The following PDZD8 variants were observed in gnomAD, a reference collection of about 807,000 sequenced individuals.
PDZD8 encodes PDZ domain containing 8, also known as PDZ domain-containing protein 8.
In PDZD8, 14 loss-of-function variants were observed where a neutral mutation model predicts 85.8. The observed-to-expected ratio is 0.16, with a 90% confidence interval of 0.11 to 0.26. The LOEUF is 0.26. Among genes scored for constraint, PDZD8 ranks in the 10% least tolerant of loss-of-function variants. PDZD8 has a pLI of 1.00. For synonymous variants in PDZD8, 592 were observed against 568.6 expected, an observed-to-expected ratio of 1.04 and a Z score of -0.59; for missense variants, 1,197 against 1,424.3, an observed-to-expected ratio of 0.84 and a Z score of 2.57.
chr10:117,358,758 C>A (rs922345521), intron 1 of PDZD8, among the ~76,000 whole-genome samples: 1 of 152,118 alleles, frequency 6.6e-6, no homozygotes, highest in African/African-American at 2.4e-5. Flanking sequence ...AGTTTCTTCA[C>A]CTATGAAAGA....
chr10:117,343,891 AT>A (rs2133851525), intron 1 of PDZD8, among the ~76,000 whole-genome samples: 1 of 152,362 alleles, frequency 6.6e-6, no homozygotes, highest in African/African-American at 2.4e-5. Flanking sequence ...GGTTTTCAGA[AT>A]TTTTAAGTCC....
chr10:117,295,749 A>G (rs1385503513), intron 3 of PDZD8, among the ~76,000 whole-genome samples: 1 of 152,224 alleles, frequency 6.6e-6, no homozygotes, highest in African/African-American at 2.4e-5. Flanking sequence ...CAATGGAGAA[A>G]GCCATATTTC....
chr10:117,365,243 T>G (rs746581477), intron 1 of PDZD8, among the ~76,000 whole-genome samples: 2 of 152,112 alleles, frequency 1.3e-5, no homozygotes, highest in Non-Finnish European at 2.9e-5. Flanking sequence ...AACAAGGAAT[T>G]GGTTAACTTA....
chr10:117,364,481 A>G (rs201428816), intron 1 of PDZD8, among the ~76,000 whole-genome samples: 5 of 90,938 alleles, frequency 5.5e-5, no homozygotes, highest in East Asian at 5.8e-4. Flanking sequence ...ACACACACGC[A>G]CACACACACA....
At chr10:117,346,288 G>T (rs1269256708) in intron 1 of PDZD8, among the ~76,000 whole-genome samples, 2 of 142,460 alleles carry the variant, frequency 1.4e-5, no homozygotes, top group East Asian at 4.1e-4. Context: ...ACACTAAATA[G>T]AGCATACCAA....
rs1238537876 is a variant in PDZD8, at chr10:117,280,784, C to G, written c.*2484G>C. On this transcript the variant is annotated 3_prime_UTR_variant, in exon 5 of 5. Transcript: ENST00000334464. ...TAATTGTGGTCTACAGAGTTAAATA[C>G]TTTTAAAACATGAGTAGATTCTTAT... The G allele has an allele frequency of 6.6e-6, 1 of 152,184 alleles. No individual in the cohort carries two copies. Among genetic ancestry groups the G allele is most frequent in the Non-Finnish European group, 1.5e-5 (1 of 68,030 alleles). 9.4% of individuals were successfully genotyped at this position (152,184 alleles called of 1,614,324 possible). A position where few individuals can be genotyped will look rare whatever the true frequency, so the allele number is the denominator to read the frequency against.
chr10:117,366,934 T>C (rs1235953039), intron 1 of PDZD8, among the ~76,000 whole-genome samples: 1 of 152,158 alleles, frequency 6.6e-6, no homozygotes, highest in Non-Finnish European at 1.5e-5. Context: ...TAGCAAACAG[T>C]GTTTTATTAG....
chr10:117,360,936 T>C (rs1844986245), intron 1 of PDZD8, among the ~76,000 whole-genome samples: 2 of 152,178 alleles, frequency 1.3e-5, no homozygotes, highest in Admixed American at 1.3e-4. Context: ...AAAGAGCTGC[T>C]GTTCATGTAG....
chr10:117,279,956 T>C lies in PDZD8; in HGVS notation c.*3312A>G, dbSNP rs1254222687. ...AAGACAGTATTTTTAAAAGTAGGTA[T>C]TTAAAATTTATTCACTTTTAGGGGA... On this transcript the variant is annotated 3_prime_UTR_variant, in exon 5 of 5. Coordinates refer to ENST00000334464, the MANE Select transcript of PDZD8 (RefSeq NM_173791.5). The C allele has an allele frequency of 6.6e-6, 1 of 152,222 alleles. No homozygotes were observed. Among genetic ancestry groups the C allele is most frequent in the African/African-American group, 2.4e-5 (1 of 41,456 alleles). The allele number at this position is 152,222 out of a possible 1,614,324, so 9.4% of individuals were successfully genotyped here.
chr10:117,283,010 A>G lies in PDZD8; in HGVS notation c.*258T>C, dbSNP rs539526795. On this transcript the variant is annotated 3_prime_UTR_variant, in exon 5 of 5. Coordinates refer to ENST00000334464, the MANE Select transcript of PDZD8 (RefSeq NM_173791.5). ...CTAGCTTACATAATTACATAATTAG[A>G]AAAGTTAAATAATTTAGTAAAAATA... The G allele has an allele frequency of 4.9e-6, 2 of 405,498 alleles. No individual in the cohort carries two copies. The highest frequency in any genetic ancestry group is 4.0e-5 in the East Asian group (1 of 25,306). The allele number at this position is 405,498 out of a possible 1,614,324, so 25.1% of individuals were successfully genotyped here. A position where few individuals can be genotyped will look rare whatever the true frequency, so the allele number is the denominator to read the frequency against.
At chr10:117,330,057 C>A (rs1844395354) in intron 2 of PDZD8, among the ~76,000 whole-genome samples, 1 of 118,054 alleles carries the variant, frequency 8.5e-6, no homozygotes, top group Non-Finnish European at 1.7e-5. Flanking sequence ...AGGGAAAAAT[C>A]TGTTTTTTTT....
intron 1 of PDZD8, among the ~76,000 whole-genome samples, chr10:117,347,592 C>T (rs1314513952): frequency 3.3e-5 from 5 of 152,068 alleles, no homozygotes; most frequent in Non-Finnish European, 7.4e-5. Context: ...TCATATTTGG[C>T]TCAGAATAAG....
chr10:117,367,346 G>T (rs1845107964), intron 1 of PDZD8, among the ~76,000 whole-genome samples: 2 of 152,104 alleles, frequency 1.3e-5, no homozygotes, highest in South Asian at 2.1e-4. Context: ...GGGAGGTGGA[G>T]GTTGCAGTGA....
chr10:117,314,049 C>CA (rs1844082916), intron 3 of PDZD8: 1 of 152,158 alleles, frequency 6.6e-6, no homozygotes, highest in Non-Finnish European at 1.5e-5. Flanking sequence ...TTTAATCAAA[C>CA]AAGTAGAGAT....
At chr10:117,344,558 T>C (rs1314116098) in intron 1 of PDZD8, among the ~76,000 whole-genome samples, 1 of 152,034 alleles carries the variant, frequency 6.6e-6, no homozygotes, top group Non-Finnish European at 1.5e-5. Context: ...CGGCTATTTT[T>C]TTGTATTTTT....
chr10:117,373,567 GGCCAATACGGT>G (rs1845230590), intron 1 of PDZD8, among the ~76,000 whole-genome samples: 1 of 143,042 alleles, frequency 7.0e-6, no homozygotes, highest in Non-Finnish European at 1.5e-5. Flanking sequence ...AAACCAGCCT[GGCCAATACGGT>G]GAAACTCCGT....
At chr10:117,353,146 A>G (rs544918962) in intron 1 of PDZD8, among the ~76,000 whole-genome samples, 47 of 152,334 alleles carry the variant, frequency 3.1e-4, no homozygotes, top group African/African-American at 1.1e-3. Context: ...AGTGTCAATC[A>G]TGGGCTCTCT....
At chr10:117,330,040 G>A (rs1389091374) in intron 2 of PDZD8, among the ~76,000 whole-genome samples, 1 of 109,104 alleles carries the variant, frequency 9.2e-6, no homozygotes. Context: ...GAGGGAGGGA[G>A]GGAGGGAGGG....
intron 2 of PDZD8, among the ~76,000 whole-genome samples, chr10:117,338,680 T>C (rs1844557602): frequency 6.6e-6 from 1 of 152,220 alleles, no homozygotes; most frequent in Non-Finnish European, 1.5e-5. Context: ...CAGTTCCTTA[T>C]TAAAATAAAG....
Sources: gnomAD v4.1 joint callset for allele counts (sites outside exome capture counted in the v4.1 genomes callset) on GRCh38, gnomAD v4.1.1 for gene constraint, MANE v1.5 for transcripts, NCBI Gene and HGNC (gene_info 2026-07-23, HGNC 2026-07-21) for gene names.